The following ZNF724 variants were observed in gnomAD, a reference collection of about 807,000 sequenced individuals.
The protein encoded by ZNF724 is zinc finger protein 724, also known as zinc finger protein 724 pseudogene.
ZNF724 carries 14 observed loss-of-function variants against 29.3 expected under a neutral mutation model. The observed-to-expected ratio is 0.48, with a 90% CI of 0.32 to 0.75. ZNF724 has a LOEUF of 0.75. Among genes scored for constraint, ZNF724 ranks in the 30% least tolerant of loss-of-function variants. The pLI, the probability that ZNF724 is intolerant of heterozygous loss-of-function variation, is 0.04. For synonymous variants in ZNF724, 180 were observed against 193.6 expected, an observed-to-expected ratio of 0.93 and a Z score of 0.58; for missense variants, 557 against 571.2, an observed-to-expected ratio of 0.98 and a Z score of 0.25.
At chr19:23,243,055 A>AG (rs1555725625) in intron 1 of ZNF724, among the ~76,000 whole-genome samples, 3 of 37,072 alleles carry the variant, frequency 8.1e-5, no homozygotes, top group African/African-American at 1.5e-4. Flanking sequence ...AAAAAAAAAA[A>AG]AAAGAAAGAA....
intron 1 of ZNF724, among the ~76,000 whole-genome samples, chr19:23,234,757 G>C (rs1971997926): frequency 6.6e-6 from 1 of 152,162 alleles, no homozygotes; most frequent in African/African-American, 2.4e-5. Flanking sequence ...CAGCTGCCTT[G>C]TAATATTTAA....
intron 3 of ZNF724, among the ~76,000 whole-genome samples, chr19:23,227,570 A>AAAAAAAAAAC (rs59672484): frequency 1.1e-5 from 1 of 88,174 alleles, no homozygotes; most frequent in Non-Finnish European, 2.6e-5. Flanking sequence ...AAAAAAAAAA[A>AAAAAAAAAAC]CAAAAAAAAA....
chr19:23,227,564 A>C (rs987131943), intron 3 of ZNF724, among the ~76,000 whole-genome samples: 3 of 109,868 alleles, frequency 2.7e-5, no homozygotes, highest in East Asian at 3.6e-4. Context: ...TCAAAAAAAA[A>C]AAAAAACAAA....
At chr19:23,233,385 T>G (rs2145781332) in intron 1 of ZNF724, among the ~76,000 whole-genome samples, 1 of 152,332 alleles carries the variant, frequency 6.6e-6, no homozygotes, top group African/African-American at 2.4e-5. Flanking sequence ...ATAAGCATTT[T>G]CTTAATTCGG....
At chr19:23,240,367 C>T (rs1972099575) in intron 1 of ZNF724, among the ~76,000 whole-genome samples, 1 of 151,216 alleles carries the variant, frequency 6.6e-6, no homozygotes, top group African/African-American at 2.4e-5. Context: ...TTTGGTCGCA[C>T]TCTGACCAAA....
chr19:23,232,683 CT>C (rs34773810), intron 1 of ZNF724, among the ~76,000 whole-genome samples: 121,098 of 144,734 alleles, frequency 0.84, 50,459 homozygotes, highest in South Asian at 0.93. Flanking sequence ...TCTTGTTATG[CT>C]TTTTTTTTTT....
At chr19:23,227,084 T>C (rs1971844218) in intron 3 of ZNF724, among the ~76,000 whole-genome samples, 1 of 152,206 alleles carries the variant, frequency 6.6e-6, no homozygotes, top group South Asian at 2.1e-4. Context: ...AAGGCAGGTA[T>C]TATGAATCAC....
At chr19:23,246,696 A>G (rs1275969605) in intron 1 of ZNF724, among the ~76,000 whole-genome samples, 1 of 152,104 alleles carries the variant, frequency 6.6e-6, no homozygotes, top group African/African-American at 2.4e-5. Context: ...TCATACATCA[A>G]GATTACAGGA....
At chr19:23,248,850 C>T (rs949598484) in intron 1 of ZNF724, among the ~76,000 whole-genome samples, 3 of 151,960 alleles carry the variant, frequency 2.0e-5, no homozygotes, top group African/African-American at 7.2e-5. Context: ...CAAAAATTAG[C>T]CGGGCATGGT....
At chr19:23,237,731 A>AG (rs1228998838) in intron 1 of ZNF724, among the ~76,000 whole-genome samples, 2 of 151,546 alleles carry the variant, frequency 1.3e-5, no homozygotes, top group African/African-American at 4.8e-5. Flanking sequence ...AAAAAAAAAA[A>AG]AAGAAAATAC....
intron 1 of ZNF724, among the ~76,000 whole-genome samples, chr19:23,241,415 C>T (rs763152412): frequency 4.7e-4 from 71 of 152,304 alleles, no homozygotes; most frequent in Non-Finnish European, 6.0e-4. Context: ...CATTCTGATA[C>T]CAAAACCTGG....
At chr19:23,233,769 C>T (rs1417017346) in intron 1 of ZNF724, among the ~76,000 whole-genome samples, 1 of 150,850 alleles carries the variant, frequency 6.6e-6, no homozygotes, top group Non-Finnish European at 1.5e-5. Flanking sequence ...AGGGCGGATA[C>T]AGCTCTTGAT....
Position 23,222,969 on chromosome 19 carries a change from C to G in ZNF724, c.1276G>C (p.Glu426Gln). 1.4e-6 allele frequency: 2 copies of G among 1,380,696 alleles called. No individual in the cohort carries two copies. Among genetic ancestry groups the G allele is most frequent in the Non-Finnish European group, 2.1e-6 (2 of 968,734 alleles). The allele number at this position is 1,380,696 out of a possible 1,614,324, so 85.5% of individuals were successfully genotyped here. Residue 426 changes from glutamate (E) to glutamine (Q), a missense_variant, in exon 4 of 4, where the codon GAA (glutamate) becomes CAA (glutamine). Glu to Gln is a conservative substitution (Grantham distance 29). Coordinates refer to ENST00000418100, the MANE Select transcript of ZNF724 (RefSeq NM_001355404.2). ...HTGEKPYKCE[E>Q]CGKAFNQFSQ... The stretch of plus-strand genomic sequence containing the variant: ...AACTGGTTAAAGGCTTTGCCACATT[C>G]TTCACATTTGTAGGGTTTCTCTCCG...
chr19:23,243,543 A>G (rs1972176404), intron 1 of ZNF724, among the ~76,000 whole-genome samples: 1 of 151,148 alleles, frequency 6.6e-6, no homozygotes, highest in Admixed American at 6.6e-5. Context: ...GCACTATCTC[A>G]TTTATAAGTA....
intron 1 of ZNF724, among the ~76,000 whole-genome samples, chr19:23,248,107 A>G (rs1033727950): frequency 6.6e-5 from 10 of 152,214 alleles, no homozygotes; most frequent in African/African-American, 9.6e-5. Context: ...CTTAGGGAAG[A>G]TAAAAGAAAA....
chr19:23,241,096 AAT>A (rs1972116527), intron 1 of ZNF724, among the ~76,000 whole-genome samples: 1 of 152,092 alleles, frequency 6.6e-6, no homozygotes, highest in South Asian at 2.1e-4. Context: ...ACCCCACAAA[AAT>A]ACAAATAGCT....
At chr19:23,245,347 C>T (rs2145795256) in intron 1 of ZNF724, among the ~76,000 whole-genome samples, 1 of 152,346 alleles carries the variant, frequency 6.6e-6, no homozygotes, top group South Asian at 2.1e-4. Context: ...GGTGCGGTGG[C>T]TCACGCCTGT....
intron 1 of ZNF724, among the ~76,000 whole-genome samples, chr19:23,249,548 G>T (rs1972311263): frequency 6.6e-6 from 1 of 151,988 alleles, no homozygotes; most frequent in Non-Finnish European, 1.5e-5. Flanking sequence ...ACAGGACCGC[G>T]CCACCACGCC....
In ZNF724 at chr19:23,223,221, C is replaced by T; in HGVS notation, c.1024G>A (p.Glu342Lys). ...HTGDKPYKCE[E>K]CGKAFNVSST... ...GACACATTAAAGGCTTTGCCACATT[C>T]TTCACATTTATAAGGTTTATCACCA... Residue 342 changes from glutamate (E) to lysine (K), a missense_variant, in exon 4 of 4, where the codon GAA becomes AAA. By Grantham distance (56) the Glu-to-Lys change is moderately conservative. This residue lies in a region of ZNF724 where 362 missense variants were observed against 295.5 expected (regional missense o/e 1.22). Transcript: ENST00000418100. The T allele has an allele frequency of 1.0e-6, 1 of 1,003,536 alleles. No individual in the cohort carries two copies. Among genetic ancestry groups the T allele is most frequent in the Non-Finnish European group, 1.6e-6 (1 of 625,728 alleles). The allele number at this position is 1,003,536 out of a possible 1,614,324, so 62.2% of individuals were successfully genotyped here.
Sources: allele counts gnomAD v4.1 joint callset (sites outside exome capture counted in the v4.1 genomes callset), GRCh38; gene constraint gnomAD v4.1.1; regional missense constraint gnomAD v4.1.1; transcripts MANE v1.5; gene names NCBI Gene and HGNC (gene_info 2026-07-23, HGNC 2026-07-21).